The following LBR variants were observed in gnomAD, a reference collection of about 807,000 sequenced individuals.
LBR encodes lamin B receptor.
LBR carries 28 observed loss-of-function variants against 74.3 expected under a neutral mutation model. The observed-to-expected ratio is 0.38, with a 90% confidence interval of 0.28 to 0.52. The LOEUF is 0.52. Ranked by LOEUF, LBR falls within the 20% of genes least tolerant of loss-of-function variation. The pLI is 0.89. For synonymous variants in LBR, 228 were observed against 269.3 expected, an observed-to-expected ratio of 0.85 and a Z score of 1.50; for missense variants, 717 against 760.3, an observed-to-expected ratio of 0.94 and a Z score of 0.67.
chr1:225,419,122 G>A (rs928661056), intron 5 of LBR, 141 bp downstream of exon 5: 23 of 781,034 alleles, frequency 2.9e-5, no homozygotes, highest in Middle Eastern at 3.5e-4. Flanking sequence ...TCCTTCTCTG[G>A]AAGGCTCTTC....
chr1:225,428,091 C>T (rs1196496702), upstream of LBR: 1 of 152,090 alleles, frequency 6.6e-6, no homozygotes, highest in Non-Finnish European at 1.5e-5. Context: ...GCGCGCCTCC[C>T]CGGCCCCGCC....
chr1:225,406,781 G>C lies in LBR; in HGVS notation c.1366C>G (p.Leu456Val), dbSNP rs377110126. Reference sequence around the variant, plus strand: ...ACCCACACCAAGTCTCCAAAAGCCAGCATGAATCCAAATCCATCGTGGATG... The same window carrying C: ...ACCCACACCAAGTCTCCAAAAGCCACCATGAATCCAAATCCATCGTGGATG... ...DIIHDGFGFM[L>V]AFGDLVWVPF... The change falls in exon 11 of 14, where the codon CTG becomes GTG. Residue 456 changes from leucine (L) to valine (V), a missense_variant. By Grantham distance (32) the Leu-to-Val change is conservative. Transcript: ENST00000272163. 1.5e-5 allele frequency: 25 copies of C among 1,614,090 alleles called. No homozygotes were observed. Among genetic ancestry groups the C allele is most frequent in the Non-Finnish European group, 2.1e-5 (25 of 1,180,022 alleles).
chr1:225,423,961 C>G lies in LBR; in HGVS notation c.115G>C (p.Val39Leu). 1 of 1,613,324 alleles carries G rather than the reference C, an allele frequency of 6.2e-7. No homozygotes were observed. The highest frequency in any genetic ancestry group is 8.5e-7 in the Non-Finnish European group (1 of 1,179,234). Residue 39 changes from valine to leucine, a missense_variant, in exon 2 of 14, where the codon GTG becomes CTG. Coordinates refer to ENST00000272163, the MANE Select transcript of LBR (RefSeq NM_002296.4). Reference protein sequence around the residue: ...SHDSTSQLYTVKYKDGTELEL... With the variant: ...SHDSTSQLYTLKYKDGTELEL... ...AGCTCTGTTCCATCTTTATACTTCA[C>G]AGTGTAAAGCTGGGAGGTGCTGTCG... is the stretch of plus-strand genomic sequence containing the variant.
intron 2 of LBR, 155 bp from the exon 3 acceptor site, chr1:225,422,432 C>G: frequency 1.5e-6 from 1 of 676,312 alleles, no homozygotes; most frequent in East Asian, 2.7e-5. Flanking sequence ...TCAGATGAAG[C>G]CAATGGAAAA....
intron 6 of LBR, among the ~76,000 whole-genome samples, chr1:225,416,210 A>AG (rs1205333566): frequency 2.0e-5 from 3 of 148,666 alleles, no homozygotes; most frequent in Non-Finnish European, 4.5e-5. Flanking sequence ...AAAAAAAAAA[A>AG]AAAAGAGAGA....
intron 5 of LBR, 36 bp downstream of exon 5, chr1:225,419,227 C>A (rs1216215830): frequency 1.4e-5 from 23 of 1,606,466 alleles, no homozygotes; most frequent in Non-Finnish European, 2.0e-5. Context: ...CTAGCTCACC[C>A]CACCTGCCCT....
At position 225,402,567 on chromosome 1, in the gene LBR, A is replaced by G. The variant is rs1315251584; in HGVS notation, c.*736T>C. ...AATTTTTAATTCACATTACTTTACA[A>G]AATTTTATTTAAAATACTGAAAATG... is the stretch of plus-strand genomic sequence containing the variant. On this transcript the variant is annotated 3_prime_UTR_variant, in exon 14 of 14. Coordinates refer to ENST00000272163, the MANE Select transcript of LBR (RefSeq NM_002296.4). 1.3e-5 allele frequency: 2 copies of G among 152,630 alleles called. No homozygotes were observed. The highest frequency in any genetic ancestry group is 3.8e-4 in the East Asian group (2 of 5,200). 9.5% of individuals were successfully genotyped at this position (152,630 alleles called of 1,614,324 possible). A position where few individuals can be genotyped will look rare whatever the true frequency, so the allele number is the denominator to read the frequency against.
chr1:225,416,213 A>AAAG (rs1553397400), intron 6 of LBR, among the ~76,000 whole-genome samples: 1 of 137,856 alleles, frequency 7.3e-6, no homozygotes, highest in African/African-American at 2.6e-5. Context: ...AAAAAAAAAA[A>AAAG]AGAGAGAGAG....
intron 1 of LBR, among the ~76,000 whole-genome samples, chr1:225,425,967 T>C (rs1173380114): frequency 2.0e-5 from 3 of 152,232 alleles, no homozygotes; most frequent in African/African-American, 7.2e-5. Context: ...ACACACCACA[T>C]ACACAGTATC....
intron 7 of LBR, 65 bp downstream of exon 7, chr1:225,415,213 G>A: frequency 9.3e-7 from 1 of 1,072,612 alleles, no homozygotes; most frequent in Non-Finnish European, 1.4e-6. Context: ...CTTTAACAAA[G>A]AGTTTAACAC....
intron 12 of LBR, 36 bp from the exon 13 acceptor site, chr1:225,404,562 G>A (rs748028371): frequency 1.1e-5 from 18 of 1,569,210 alleles, no homozygotes; most frequent in Admixed American, 1.0e-4. Flanking sequence ...TAATGATGTC[G>A]AGACAAAAAG....
chr1:225,413,235 G>A (rs987981666), intron 7 of LBR, among the ~76,000 whole-genome samples: 1 of 152,246 alleles, frequency 6.6e-6, no homozygotes, highest in Non-Finnish European at 1.5e-5. Flanking sequence ...CTAGGCAGGG[G>A]ACTGCGAGTA....
At chr1:225,413,899 T>C (rs1270780135) in intron 7 of LBR, 7 of 456,578 alleles carry the variant, frequency 1.5e-5, no homozygotes, top group Non-Finnish European at 3.1e-5. Context: ...GCTCAGTCTC[T>C]GAATGTACCA....
intron 5 of LBR, among the ~76,000 whole-genome samples, chr1:225,418,872 G>A (rs2096122364): frequency 1.3e-5 from 2 of 152,208 alleles, no homozygotes; most frequent in Non-Finnish European, 2.9e-5. Flanking sequence ...GCAGGCAGCT[G>A]AGGCCCACTG....
intron 7 of LBR, chr1:225,413,858 T>A: frequency 2.4e-6 from 1 of 419,582 alleles, no homozygotes; most frequent in South Asian, 1.7e-5. Context: ...ACTCCCCCAC[T>A]GGCTCCAAGA....
Position 225,403,276 on chromosome 1 carries a change from G to C in LBR, c.*27C>G. 1.9e-6 allele frequency: 3 copies of C among 1,608,068 alleles called. No individual in the cohort carries two copies. The highest frequency in any genetic ancestry group is 2.6e-6 in the Non-Finnish European group (3 of 1,174,594). On this transcript the variant is annotated 3_prime_UTR_variant, in exon 14 of 14. Transcript: ENST00000272163. ...GCAAATGGCAGCTGGAATTGCAGGA[G>C]TATTTTGTAGAAAAGCCAGAAGAGC... is the stretch of plus-strand genomic sequence containing the variant.
intron 1 of LBR, among the ~76,000 whole-genome samples, chr1:225,424,582 T>C (rs901224687): frequency 7.9e-5 from 12 of 152,130 alleles, no homozygotes; most frequent in African/African-American, 2.7e-4. Context: ...TAATTCCAAG[T>C]CTGTAATGAA....
intron 7 of LBR, chr1:225,414,033 C>G (rs1373990695): frequency 2.2e-6 from 1 of 456,596 alleles, no homozygotes; most frequent in African/African-American, 2.0e-5. Context: ...CCCACCTCAC[C>G]CCAGACTCAC....
chr1:225,422,332 C>T lies in LBR; in HGVS notation c.166-55G>A, dbSNP rs918526582. The T allele has an allele frequency of 3.6e-6, 5 of 1,373,446 alleles. No individual in the cohort carries two copies. The African/African-American group carries it at 7.1e-5, about 20-fold the overall frequency. The allele number at this position is 1,373,446 out of a possible 1,614,324, so 85.1% of individuals were successfully genotyped here. A position where few individuals can be genotyped will look rare whatever the true frequency, so the allele number is the denominator to read the frequency against. On this transcript the variant is annotated intron_variant, in intron 2 of 13. Transcript: ENST00000272163. ...TACCACAAATCATAACACATACAGA[C>T]AGACCCACACTAGAAGAGGATAACA...
Sources: allele counts gnomAD v4.1 joint callset (sites outside exome capture counted in the v4.1 genomes callset), GRCh38; gene constraint gnomAD v4.1.1; transcripts MANE v1.5; gene names NCBI Gene and HGNC (gene_info 2026-07-23, HGNC 2026-07-21).